Variants in ROS1 observed in about 807,000 individuals in gnomAD.
ROS1 encodes the protein ROS proto-oncogene 1, receptor tyrosine kinase, also known as proto-oncogene tyrosine-protein kinase ROS.
ROS1 carries 263 observed loss-of-function variants against 273.5 expected under a neutral mutation model. The observed-to-expected ratio is 0.96, with a 90% CI of 0.87 to 1.06. The LOEUF is 1.06. Ranked by LOEUF, ROS1 falls within the 50% of genes least tolerant of loss-of-function variation. ROS1 has a pLI of 0.00. For synonymous variants in ROS1, 1,008 were observed against 954.1 expected, an observed-to-expected ratio of 1.06 and a Z score of -1.04; for missense variants, 2,833 against 2,751.1, an observed-to-expected ratio of 1.03 and a Z score of -0.67.
chr6:117,360,497 C>A lies in ROS1; in HGVS notation c.3367-92G>T, dbSNP rs560810551. 42 of 818,886 alleles carry A rather than the reference C, an allele frequency of 5.1e-5. No individual in the cohort carries two copies. In the African/African-American group the frequency reaches 6.5e-4, roughly 13 times the overall value. 50.7% of individuals were successfully genotyped at this position (818,886 alleles called of 1,614,324 possible). ...TGAGAGATTACTAAATGTTTCATTT[C>A]ATACTCCTGATACACAATATTAATA... On this transcript the variant is annotated intron_variant, in intron 22 of 43. Transcript: ENST00000368507.
intron 41 of ROS1, among the ~76,000 whole-genome samples, 199 bp from the exon 42 acceptor site, chr6:117,309,127 T>C (rs1490946171): frequency 6.6e-6 from 1 of 152,098 alleles, no homozygotes; most frequent in Non-Finnish European, 1.5e-5. Context: ...GAGCAAATAC[T>C]TCAAAGGTGA....
intron 43 of ROS1, 33 bp downstream of exon 43, chr6:117,300,941 G>T: frequency 6.6e-7 from 1 of 1,516,830 alleles, no homozygotes; most frequent in South Asian, 1.4e-5. Context: ...ACAGTGCAGC[G>T]AAAACTAGAA....
chr6:117,349,267 A>G (rs1197415641), intron 27 of ROS1, among the ~76,000 whole-genome samples: 1 of 151,978 alleles, frequency 6.6e-6, no homozygotes, highest in East Asian at 1.9e-4. Flanking sequence ...TGTTAGAGAT[A>G]TATGCATTAA....
At chr6:117,298,874 T>C (rs1046732530) in intron 43 of ROS1, among the ~76,000 whole-genome samples, 1 of 152,190 alleles carries the variant, frequency 6.6e-6, no homozygotes, top group Non-Finnish European at 1.5e-5. Flanking sequence ...TTTTTAATTA[T>C]CAAAATTTTA....
intron 4 of ROS1, among the ~76,000 whole-genome samples, chr6:117,413,837 C>T (rs1364123868): frequency 1.3e-5 from 2 of 152,066 alleles, no homozygotes; most frequent in African/African-American, 4.8e-5. Flanking sequence ...CAAAGTTAGC[C>T]AGGCATGGTG....
chr6:117,389,546 A>G lies in ROS1; in HGVS notation c.1590T>C (p.Asp530=). ...VTDGKVIFQQ[D]ALSFNEFIVG... is the part of the protein sequence containing the mutation. ...CGATGAATTCATTAAAAGACAAAGC[A>G]TCCTGTTGGAAAATGACCTTGCCAT... is the stretch of plus-strand genomic sequence containing the variant. Residue 530 remains aspartate (D), a synonymous_variant, in exon 13 of 44, where the codon GAT becomes GAC. Transcript: ENST00000368507. The G allele has an allele frequency of 6.2e-7, 1 of 1,614,188 alleles. No homozygotes were observed.
Position 117,350,610 on chromosome 6 carries a change from T to C in ROS1, c.4303+2380A>G, listed in dbSNP as rs191841705. 9.2e-4 allele frequency among the ~76,000 whole-genome samples: 140 copies of C among 151,966 alleles called. 1 individual carries two copies. The highest frequency in any genetic ancestry group is 3.3e-3 in the African/African-American group (138 of 41,546). On this transcript the variant is annotated intron_variant, in intron 27 of 43. Transcript: ENST00000368507. The stretch of plus-strand genomic sequence containing the variant: ...TCTGTTCCTTTCTCTCTTCTTTTTC[T>C]AGTATTCATATTATACCTATCTTAC...
At chr6:117,325,869 G>A (rs1304940728) in intron 34 of ROS1, among the ~76,000 whole-genome samples, 1 of 151,916 alleles carries the variant, frequency 6.6e-6, no homozygotes, top group Admixed American at 6.6e-5. Context: ...TATGTATAAT[G>A]TAGGAGTGGT....
intron 33 of ROS1, chr6:117,328,417 C>T (rs1308218225): frequency 3.3e-6 from 1 of 302,712 alleles, no homozygotes; most frequent in East Asian, 4.8e-5. Flanking sequence ...ACCACCAAGA[C>T]AGTTCTGCAG....
At chr6:117,293,664 C>T (rs1773997773) in intron 43 of ROS1, among the ~76,000 whole-genome samples, 1 of 151,972 alleles carries the variant, frequency 6.6e-6, no homozygotes, top group South Asian at 2.1e-4. Context: ...ACTGAGATTA[C>T]TGGAAAAGTT....
chr6:117,311,922 C>T (rs1236533976), intron 39 of ROS1, among the ~76,000 whole-genome samples: 1 of 152,024 alleles, frequency 6.6e-6, no homozygotes, highest in Non-Finnish European at 1.5e-5. Context: ...TTTTGTCATC[C>T]CTAATTTGAT....
intron 18 of ROS1, among the ~76,000 whole-genome samples, chr6:117,370,040 T>TA (rs1780638961): frequency 6.6e-6 from 1 of 152,174 alleles, no homozygotes; most frequent in African/African-American, 2.4e-5. Context: ...TATATACATA[T>TA]GAATGCATAT....
At chr6:117,327,260 G>A (rs748946819) in intron 33 of ROS1, among the ~76,000 whole-genome samples, 7 of 152,150 alleles carry the variant, frequency 4.6e-5, no homozygotes, top group African/African-American at 1.7e-4. Context: ...TAAGAACATC[G>A]GGAGCAGCAG....
chr6:117,394,843 GA>G, intron 9 of ROS1, 105 bp from the exon 10 acceptor site: 1 of 1,005,246 alleles, frequency 9.9e-7, no homozygotes, highest in Non-Finnish European at 1.4e-6. Context: ...ACTAGTGCTT[GA>G]AAGAGGCTGG....
intron 18 of ROS1, among the ~76,000 whole-genome samples, chr6:117,378,455 C>G (rs563508390): frequency 2.0e-5 from 3 of 152,222 alleles, no homozygotes; most frequent in Admixed American, 2.0e-4. Context: ...TGGCAAGGGG[C>G]ACAGGAATTT....
In ROS1 at chr6:117,396,322, T is replaced by C. The variant is rs1486498547; in HGVS notation, c.807-58A>G. 53 of 1,195,970 alleles carry C rather than the reference T, an allele frequency of 4.4e-5. 1 individual carries two copies. In the Admixed American group the frequency reaches 8.7e-4, roughly 20 times the overall value. The allele number at this position is 1,195,970 out of a possible 1,614,324, so 74.1% of individuals were successfully genotyped here. Reference sequence around the variant, plus strand: ...CACATGGCATGGTGTGAACATGAGATAAAAATAGAAGGAGCAATAACATTT... The same window carrying C: ...CACATGGCATGGTGTGAACATGAGACAAAAATAGAAGGAGCAATAACATTT... On this transcript the variant is annotated intron_variant, in intron 8 of 43. Coordinates refer to ENST00000368507, the MANE Select transcript of ROS1 (RefSeq NM_001378902.1).
At chr6:117,423,546 C>A (rs2128751366) in intron 1 of ROS1, among the ~76,000 whole-genome samples, 1 of 152,252 alleles carries the variant, frequency 6.6e-6, no homozygotes, top group African/African-American at 2.4e-5. Flanking sequence ...TTCAAAAAAA[C>A]TTTTCAGTTA....
intron 18 of ROS1, among the ~76,000 whole-genome samples, chr6:117,371,478 G>T (rs984825661): frequency 2.0e-5 from 3 of 152,184 alleles, no homozygotes; most frequent in Non-Finnish European, 4.4e-5. Flanking sequence ...GATCCTTGGG[G>T]AGGGCTGCCA....
chr6:117,399,833 C>T (rs1240389677), intron 7 of ROS1, among the ~76,000 whole-genome samples: 1 of 152,184 alleles, frequency 6.6e-6, no homozygotes, highest in Non-Finnish European at 1.5e-5. Flanking sequence ...TAGTAACCTC[C>T]CAGCTGGTCT....
Sources: gnomAD v4.1 joint callset for allele counts (sites outside exome capture counted in the v4.1 genomes callset) on GRCh38, gnomAD v4.1.1 for gene constraint, MANE v1.5 for transcripts, NCBI Gene and HGNC (gene_info 2026-07-23, HGNC 2026-07-21) for gene names.